CIT: variants seen among roughly 807,000 people sequenced by gnomAD.
CIT encodes the protein citron Rho-interacting kinase.
CIT carries 79 observed loss-of-function variants against 272.7 expected under a neutral mutation model. The observed-to-expected ratio is 0.29, with a 90% confidence interval of 0.24 to 0.35. The LOEUF (loss-of-function observed/expected upper bound fraction) is 0.35. Among genes scored for constraint, CIT ranks in the 10% least tolerant of loss-of-function variants. The pLI, the probability that CIT is intolerant of heterozygous loss-of-function variation, is 1.00. For missense variants in CIT, 1,909 were observed against 2,618.3 expected (o/e 0.73, Z 5.91); for synonymous variants, 948 against 995.6 (o/e 0.95, Z 0.90).
Position 119,752,241 on chromosome 12 carries a change from G to A in CIT, c.2713C>T (p.Leu905=). 6.2e-7 allele frequency: 1 copy of A among 1,605,110 alleles called. No individual in the cohort carries two copies. The highest frequency in any genetic ancestry group is 1.1e-5 in the South Asian group (1 of 90,836). The change falls in exon 23 of 48, where the codon CTA becomes TTA. Residue 905 remains leucine (L), a synonymous_variant. Coordinates refer to ENST00000392521, the MANE Select transcript of CIT (RefSeq NM_001206999.2). Reference sequence around the variant, plus strand: ...TCCAGTTTCTGCTCCTCGTGCTCTAGACTGACCTGAGACAGAGAGAGAGAG... The same window carrying A: ...TCCAGTTTCTGCTCCTCGTGCTCTAAACTGACCTGAGACAGAGAGAGAGAG... The part of the protein sequence containing the change: ...ELETRLREVS[L]EHEEQKLELK...
At chr12:119,850,782 G>A (rs577921962) in intron 4 of CIT, among the ~76,000 whole-genome samples, 12 of 152,244 alleles carry the variant, frequency 7.9e-5, no homozygotes, top group South Asian at 6.2e-4. Context: ...ACACAGTGCC[G>A]TCCCAAGCAA....
At chr12:119,782,701 T>C in intron 12 of CIT, 64 bp from the exon 13 acceptor site, 1 of 1,591,716 alleles carries the variant, frequency 6.3e-7, no homozygotes, top group Non-Finnish European at 8.5e-7. Context: ...AAAAGACTCA[T>C]TAAGAGAGCT....
At chr12:119,737,904 C>T (rs1958863130) in intron 24 of CIT, among the ~76,000 whole-genome samples, 1 of 152,166 alleles carries the variant, frequency 6.6e-6, no homozygotes. Flanking sequence ...AAACGTTGGA[C>T]ACACCCACAC....
At chr12:119,760,205 G>A (rs278140) in intron 20 of CIT, among the ~76,000 whole-genome samples, 39,677 of 134,864 alleles carry the variant, frequency 0.29, 6,402 homozygotes, top group African/African-American at 0.39. Flanking sequence ...AAAAAAAAAA[G>A]AGAGAGATTC....
At chr12:119,866,680 G>A (rs1172555841) in intron 3 of CIT, among the ~76,000 whole-genome samples, 1 of 152,134 alleles carries the variant, frequency 6.6e-6, no homozygotes, top group Non-Finnish European at 1.5e-5. Flanking sequence ...TTAGCCATTA[G>A]TGGTGGCATG....
intron 2 of CIT, among the ~76,000 whole-genome samples, chr12:119,872,790 T>C (rs1361456889): frequency 6.6e-6 from 1 of 152,108 alleles, no homozygotes; most frequent in Non-Finnish European, 1.5e-5. Flanking sequence ...CTATATCTGT[T>C]GCCTCCTATT....
At chr12:119,854,347 T>C (rs1043336624) in intron 4 of CIT, among the ~76,000 whole-genome samples, 6 of 151,206 alleles carry the variant, frequency 4.0e-5, no homozygotes, top group Non-Finnish European at 7.4e-5. Context: ...TTTTTTAAAG[T>C]TAGCTGGGGG....
chr12:119,746,745 CA>C (rs1959474184), intron 23 of CIT, among the ~76,000 whole-genome samples: 1 of 152,184 alleles, frequency 6.6e-6, no homozygotes, highest in Non-Finnish European at 1.5e-5. Context: ...TAATGAACCA[CA>C]GTCATTATGG....
chr12:119,724,405 A>G (rs941904195), intron 28 of CIT, among the ~76,000 whole-genome samples: 2 of 152,208 alleles, frequency 1.3e-5, no homozygotes, highest in African/African-American at 4.8e-5. Flanking sequence ...TAATAGAACC[A>G]ATAGGTAAAA....
In CIT at chr12:119,782,644, A is replaced by G. The variant is rs185102931; in HGVS notation, c.1546-7T>C. On this transcript the variant is annotated splice_polypyrimidine_tract_variant and splice_region_variant and intron_variant, in intron 12 of 47. Coordinates refer to ENST00000392521, the MANE Select transcript of CIT (RefSeq NM_001206999.2). ...CCAAACTTCGCTTTAAGCTCTGCAG[A>G]AAGCAAAAATTTTAATAGGGATGCC... The G allele has an allele frequency of 1.7e-5, 27 of 1,613,822 alleles. No individual in the cohort carries two copies. In the Admixed American group the frequency reaches 4.5e-4, roughly 27 times the overall value.
intron 26 of CIT, among the ~76,000 whole-genome samples, chr12:119,732,329 A>G (rs1958502557): frequency 6.6e-6 from 1 of 152,024 alleles, no homozygotes; most frequent in Admixed American, 6.5e-5. Flanking sequence ...TATACCTTCC[A>G]TGTATGGTCG....
At chr12:119,783,811 G>T in intron 12 of CIT, 97 bp downstream of exon 12, 1 of 1,406,428 alleles carries the variant, frequency 7.1e-7, no homozygotes, top group Non-Finnish European at 9.6e-7. Context: ...TCTGCCATTG[G>T]CTGTGATGTG....
chr12:119,688,628 G>T (rs984813130), intron 47 of CIT, among the ~76,000 whole-genome samples: 1 of 152,232 alleles, frequency 6.6e-6, no homozygotes, highest in Admixed American at 6.5e-5. Context: ...AGCCCCAAAT[G>T]GCAGAAAGGT....
chr12:119,760,202 A>C (rs1344505936), intron 20 of CIT, among the ~76,000 whole-genome samples: 1 of 151,712 alleles, frequency 6.6e-6, no homozygotes, highest in Non-Finnish European at 1.5e-5. Flanking sequence ...AAAAAAAAAA[A>C]AAGAGAGAGA....
At chr12:119,739,164 A>G (rs1166341801) in intron 24 of CIT, among the ~76,000 whole-genome samples, 2 of 152,212 alleles carry the variant, frequency 1.3e-5, no homozygotes, top group African/African-American at 4.8e-5. Flanking sequence ...AGCTATTTGC[A>G]TATTATTTAT....
At chr12:119,808,639 CATAA>C (rs1373560255) in intron 9 of CIT, among the ~76,000 whole-genome samples, 1 of 152,090 alleles carries the variant, frequency 6.6e-6, no homozygotes, top group African/African-American at 2.4e-5. Context: ...GATGAAGGCA[CATAA>C]ATAATTATTG....
intron 9 of CIT, among the ~76,000 whole-genome samples, chr12:119,805,088 T>C (rs368971039): frequency 6.8e-6 from 1 of 147,882 alleles, no homozygotes; most frequent in East Asian, 2.0e-4. Context: ...AAAAAAAAAG[T>C]TTTAATGGAA....
rs547580225 is a variant in CIT at position 119,828,346 on chromosome 12, ACTG to A, written c.754-2981_754-2979del. Among the ~76,000 whole-genome samples the A allele has an allele frequency of 9.7e-4, 147 of 152,304 alleles. 1 individual carries two copies. Among genetic ancestry groups the A allele is most frequent in the Admixed American group, 8.7e-3 (133 of 15,296 alleles). ...CAAACATTTTTAATGACAGTTAATG[ACTG>A]CTAAGTTCCCATTAGTCACTGACCC... On this transcript the variant is annotated intron_variant, in intron 7 of 47. Coordinates refer to ENST00000392521, the MANE Select transcript of CIT (RefSeq NM_001206999.2).
At position 119,768,422 on chromosome 12, in the gene CIT, C is replaced by T. The variant is rs1427048374; in HGVS notation, c.2209-1240G>A. ...TACTCCAAGTTTTCAACTCTTTATACTATTATGAAATTTTTCTTTGAAGTG... is the reference window on the plus strand; with the variant it reads ...TACTCCAAGTTTTCAACTCTTTATATTATTATGAAATTTTTCTTTGAAGTG... On this transcript the variant is annotated intron_variant, in intron 18 of 47. Coordinates refer to ENST00000392521, the MANE Select transcript of CIT (RefSeq NM_001206999.2). This position sits in a 1 kb window ranked among gnomAD's most constrained non-coding sequence, Gnocchi z 4.3. 6.6e-6 allele frequency among the ~76,000 whole-genome samples: 1 copy of T among 152,134 alleles called. No individual in the cohort carries two copies. The highest frequency in any genetic ancestry group is 1.5e-5 in the Non-Finnish European group (1 of 68,032).
Sources: gnomAD v4.1 joint callset for allele counts (sites outside exome capture counted in the v4.1 genomes callset) on GRCh38, gnomAD v4.1.1 for gene constraint, Gnocchi (gnomAD v3.1) non-coding constraint, MANE v1.5 for transcripts, NCBI Gene and HGNC (gene_info 2026-07-23, HGNC 2026-07-21) for gene names.